SBF2: variants seen among roughly 807,000 people sequenced by gnomAD.
SBF2 encodes the protein myotubularin-related protein 13.
In SBF2, 112 loss-of-function variants were observed where a neutral mutation model predicts 225.2. The observed-to-expected ratio is 0.50, with a 90% CI of 0.43 to 0.58. SBF2 has a LOEUF of 0.58. Ranked by LOEUF, SBF2 falls within the 20% of genes least tolerant of loss-of-function variation. SBF2 has a pLI of 0.00. For missense variants in SBF2, 1,996 were observed against 2,206.2 expected (o/e 0.90, Z 1.91); for synonymous variants, 763 against 773.3 (o/e 0.99, Z 0.22).
At chr11:9,870,718 G>A (rs1392428577) in intron 17 of SBF2, among the ~76,000 whole-genome samples, 3 of 152,164 alleles carry the variant, frequency 2.0e-5, no homozygotes, top group Admixed American at 6.5e-5. Context: ...GCTCATGCCT[G>A]TAATCCCAGC....
chr11:10,144,117 C>T (rs539607352), intron 2 of SBF2, among the ~76,000 whole-genome samples: 11 of 152,308 alleles, frequency 7.2e-5, no homozygotes, highest in East Asian at 5.8e-4. Flanking sequence ...ATTGCATTTA[C>T]GCTTTGCATA....
At chr11:10,147,424 T>C (rs1421067924) in intron 2 of SBF2, among the ~76,000 whole-genome samples, 1 of 152,146 alleles carries the variant, frequency 6.6e-6, no homozygotes, top group Non-Finnish European at 1.5e-5. Context: ...TGCAGGAACA[T>C]GAATGGAGCT....
At chr11:9,833,987 T>A (rs1287243536) in intron 26 of SBF2, among the ~76,000 whole-genome samples, 1 of 149,400 alleles carries the variant, frequency 6.7e-6, no homozygotes, top group East Asian at 2.0e-4. Context: ...TCAGGCTGTC[T>A]CGAACTCTCA....
intron 15 of SBF2, among the ~76,000 whole-genome samples, chr11:9,963,402 C>T (rs1366776178): frequency 6.6e-6 from 1 of 152,080 alleles, no homozygotes; most frequent in East Asian, 1.9e-4. Context: ...GACGTAGAGG[C>T]TGCAGTGAGC....
At position 10,031,163 on chromosome 11, in the gene SBF2, T is replaced by C; in HGVS notation, c.287A>G (p.Lys96Arg). 5 of 1,613,388 alleles carry C rather than the reference T, an allele frequency of 3.1e-6. No individual in the cohort carries two copies. Among genetic ancestry groups the C allele is most frequent in the African/African-American group, 2.7e-5 (2 of 75,006 alleles). ...TGCTTCACCTTCAATCTCTTCCTTC[T>C]TTGTTCCCTAGAAAAAGAGACACTG... ...YEAEINLQGTKKEEIEGEAKV... is the reference protein window; with the variant it reads ...YEAEINLQGTRKEEIEGEAKV... The change falls in exon 4 of 40, where the codon AAG becomes AGG. Residue 96 changes from lysine (K) to arginine (R), a missense_variant. Lys to Arg is a conservative substitution (Grantham distance 26, BLOSUM62 2). Coordinates refer to ENST00000256190, the MANE Select transcript of SBF2 (RefSeq NM_030962.4).
At chr11:10,185,451 T>C (rs1362581776) in intron 2 of SBF2, among the ~76,000 whole-genome samples, 1 of 152,094 alleles carries the variant, frequency 6.6e-6, no homozygotes, top group Non-Finnish European at 1.5e-5. Context: ...GGATTTTTGT[T>C]TTGTTTTGGG....
chr11:9,958,815 G>T lies in SBF2; in HGVS notation c.1860+3142C>A, dbSNP rs1161605850. On this transcript the variant is annotated intron_variant, in intron 16 of 39. Transcript: ENST00000256190. ...ATGAGGGCTTCTGTCACCGAAAATG[G>T]GTCACAGTCGGCAGAGAGGCAATGA... is the stretch of plus-strand genomic sequence containing the variant. The T allele has an allele frequency of 1.1e-5, 6 of 557,878 alleles. No individual in the cohort carries two copies. In the Admixed American group the frequency reaches 1.1e-4, roughly 11 times the overall value. The allele number at this position is 557,878 out of a possible 1,614,324, so 34.6% of individuals were successfully genotyped here.
chr11:9,846,544 A>C (rs184081057), intron 23 of SBF2, among the ~76,000 whole-genome samples: 14 of 152,360 alleles, frequency 9.2e-5, no homozygotes, highest in Non-Finnish European at 1.5e-5. Context: ...GTATGCAACT[A>C]GTACCAATAG....
chr11:9,862,910 T>C (rs1412110727), intron 17 of SBF2, among the ~76,000 whole-genome samples: 2 of 152,182 alleles, frequency 1.3e-5, no homozygotes, highest in Admixed American at 1.3e-4. Context: ...GGGTGTGAGA[T>C]GGTGGTGCTG....
chr11:9,783,579 G>T (rs569580790), intron 38 of SBF2, among the ~76,000 whole-genome samples: 2 of 152,240 alleles, frequency 1.3e-5, no homozygotes, highest in Non-Finnish European at 2.9e-5. Context: ...GTGCAGAGTT[G>T]CTGGAGGTTT....
At chr11:9,945,901 G>A (rs924552454) in intron 16 of SBF2, among the ~76,000 whole-genome samples, 1 of 152,068 alleles carries the variant, frequency 6.6e-6, no homozygotes, top group Non-Finnish European at 1.5e-5. Flanking sequence ...ACACGAGTCA[G>A]AGTGGACTAT....
chr11:10,214,491 C>A (rs963503422), intron 1 of SBF2, among the ~76,000 whole-genome samples: 5 of 152,148 alleles, frequency 3.3e-5, no homozygotes, highest in African/African-American at 1.2e-4. Flanking sequence ...AGCGTGGTGG[C>A]ACGCGCCTGT....
intron 16 of SBF2, among the ~76,000 whole-genome samples, chr11:9,900,043 T>A (rs116137883): frequency 0.29 from 26,953 of 92,462 alleles, 3,202 homozygotes; most frequent in Non-Finnish European, 0.37. Context: ...TTTTTTTTTT[T>A]TAAAAAAAAA....
chr11:10,211,033 A>AAAAAAAAAAAAAAAAAAAC (rs1286359665), intron 1 of SBF2, among the ~76,000 whole-genome samples: 1 of 149,834 alleles, frequency 6.7e-6, no homozygotes. Context: ...AAAAAAAAAA[A>AAAAAAAAAAAAAAAAAAAC]AAGAGCCTCT....
chr11:9,935,486 C>T (rs1168870516), intron 16 of SBF2, among the ~76,000 whole-genome samples: 3 of 152,118 alleles, frequency 2.0e-5, no homozygotes, highest in African/African-American at 7.2e-5. Flanking sequence ...AAAAAAGGAG[C>T]CCACATTGCC....
chr11:10,108,591 C>A, intron 2 of SBF2, among the ~76,000 whole-genome samples: 1 of 135,108 alleles, frequency 7.4e-6, no homozygotes, highest in East Asian at 2.3e-4. Context: ...GTGGCGCGAT[C>A]TCGGCTCACT....
chr11:10,228,387 CCT>C (rs1565377394), intron 1 of SBF2, among the ~76,000 whole-genome samples: 1 of 152,180 alleles, frequency 6.6e-6, no homozygotes. Flanking sequence ...AGAGGGCATC[CCT>C]GTCTTGTGCC....
chr11:9,967,342 A>G (rs1365608899), intron 14 of SBF2, among the ~76,000 whole-genome samples: 1 of 151,426 alleles, frequency 6.6e-6, no homozygotes, highest in Admixed American at 6.6e-5. Context: ...ACTGCACTCC[A>G]GCCTGGGTGA....
In SBF2 at chr11:9,983,699, G is replaced by A. The variant is rs190619294; in HGVS notation, c.1395+5798C>T. On this transcript the variant is annotated intron_variant, in intron 13 of 39. Coordinates refer to ENST00000256190, the MANE Select transcript of SBF2 (RefSeq NM_030962.4). ...CACTGCACCCTCCGCCACCTCCACC[G>A]GAACAGGCACTGGTATCCACAGCTG... Among the ~76,000 whole-genome samples the A allele has an allele frequency of 1.7e-3, 258 of 152,224 alleles. 1 individual carries two copies. Among genetic ancestry groups the A allele is most frequent in the Non-Finnish European group, 2.8e-3 (188 of 68,018 alleles).
Sources: gnomAD v4.1 joint callset for allele counts (sites outside exome capture counted in the v4.1 genomes callset) on GRCh38, gnomAD v4.1.1 for gene constraint, MANE v1.5 for transcripts, NCBI Gene and HGNC (gene_info 2026-07-23, HGNC 2026-07-21) for gene names.